POMT1: variants seen among roughly 807,000 people sequenced by gnomAD.
The protein encoded by POMT1 is protein O-mannosyltransferase 1.
POMT1 carries 85 observed loss-of-function variants against 101.6 expected under a neutral mutation model. The ratio of observed to expected loss-of-function variants is 0.84; its 90% CI spans 0.70 to 1.00. POMT1 has a LOEUF of 1.00. Ranked by LOEUF, POMT1 falls within the 50% of genes least tolerant of loss-of-function variation. The pLI, the probability that POMT1 is intolerant of heterozygous loss-of-function variation, is 0.00. For missense variants in POMT1, 857 were observed against 930.4 expected, an observed-to-expected ratio of 0.92 and a Z score of 1.03; for synonymous variants, 371 against 383.0, an observed-to-expected ratio of 0.97 and a Z score of 0.37.
chr9:131,518,409 A>G lies in POMT1; in HGVS notation c.1273-36A>G, dbSNP rs772226285. 1.8e-5 allele frequency: 28 copies of G among 1,542,528 alleles called. No individual in the cohort carries two copies. The East Asian group carries it at 6.3e-4, about 35-fold the overall frequency. ...ATTTTTACATTGAAGGAAATTTGAA[A>G]AGGAATGAAATAATCCTTGAGATGT... is the stretch of plus-strand genomic sequence containing the variant. On this transcript the variant is annotated intron_variant, in intron 13 of 19. Transcript: ENST00000402686.
chr9:131,521,357 C>T lies in POMT1; in HGVS notation c.1710C>T (p.His570=), dbSNP rs764158020. 1.9e-6 allele frequency: 3 copies of T among 1,614,088 alleles called. No homozygotes were observed. The highest frequency in any genetic ancestry group is 2.7e-5 in the African/African-American group (2 of 74,936). Residue 570 remains histidine (H), a synonymous_variant, in exon 18 of 20, where the codon CAC becomes CAT. Coordinates refer to ENST00000402686, the MANE Select transcript of POMT1 (RefSeq NM_001077365.2). ...CCATGTTCCCTTAGGCTCAGATCCA[C>T]CTACTTGGAAACATAGTGATCTGGG... ...WLHPRTSAQI[H]LLGNIVIWVS...
Position 131,511,332 on chromosome 9 carries a change from C to G in POMT1, c.856-5C>G. On this transcript the variant is annotated splice_polypyrimidine_tract_variant and splice_region_variant and intron_variant, in intron 9 of 19. Transcript: ENST00000402686. ...TCACTCATCAACCTTCTGCTTCTGTCTCAGGGAGGACTAGCTCGGATCACT... is the reference window on the plus strand; with the variant it reads ...TCACTCATCAACCTTCTGCTTCTGTGTCAGGGAGGACTAGCTCGGATCACT... The G allele has an allele frequency of 1.2e-6, 2 of 1,609,078 alleles. No homozygotes were observed. The highest frequency in any genetic ancestry group is 1.7e-6 in the Non-Finnish European group (2 of 1,175,902).
rs1472946513 is a variant in POMT1 at position 131,518,533 on chromosome 9, T to TAA, written c.1363_1364dup (p.Leu456SerfsTer2). On this transcript the variant is annotated frameshift_variant, in exon 14 of 20. Coordinates refer to ENST00000402686, the MANE Select transcript of POMT1 (RefSeq NM_001077365.2). LOFTEE classifies it high-confidence loss of function. Reference sequence around the variant, plus strand: ...GTGCACGTGAACACTTCCGCTGTCTTAAAGGTAAGGACACTGTCCGTGGCT... The same window carrying TAA: ...GTGCACGTGAACACTTCCGCTGTCTTAAAAAGGTAAGGACACTGTCCGTGGCT... The TAA allele has an allele frequency of 6.2e-7, 1 of 1,612,882 alleles. No individual in the cohort carries two copies. Among genetic ancestry groups the TAA allele is most frequent in the South Asian group, 1.1e-5 (1 of 91,066 alleles).
At position 131,523,159 on chromosome 9, in the gene POMT1, G is replaced by C; in HGVS notation, c.*53G>C. On this transcript the variant is annotated 3_prime_UTR_variant, in exon 20 of 20. Coordinates refer to ENST00000402686, the MANE Select transcript of POMT1 (RefSeq NM_001077365.2). Reference sequence around the variant, plus strand: ...GCTGGGGTCGGGATGAGGTTGAAGGGTCTTGGTCAATGTACGTAATGAGCA... The same window carrying C: ...GCTGGGGTCGGGATGAGGTTGAAGGCTCTTGGTCAATGTACGTAATGAGCA... 2 of 1,585,820 alleles carry C rather than the reference G, an allele frequency of 1.3e-6. No individual in the cohort carries two copies. The highest frequency in any genetic ancestry group is 1.7e-6 in the Non-Finnish European group (2 of 1,168,292).
At chr9:131,509,104 T>G in intron 6 of POMT1, 82 bp downstream of exon 6, 1 of 972,406 alleles carries the variant, frequency 1.0e-6, no homozygotes, top group Non-Finnish European at 1.6e-6. Context: ...CCAGTACCTT[T>G]TTTTGTTTCG....
Position 131,510,003 on chromosome 9 carries a change from G to A in POMT1, c.699+7G>A. On this transcript the variant is annotated splice_region_variant and intron_variant, in intron 8 of 19. Coordinates refer to ENST00000402686, the MANE Select transcript of POMT1 (RefSeq NM_001077365.2). ...AGACCAGACTTTGTCCAATGTAGGTGCTGATGTCCAGTGCTGCATGAGGCC... is the reference window on the plus strand; with the variant it reads ...AGACCAGACTTTGTCCAATGTAGGTACTGATGTCCAGTGCTGCATGAGGCC... 6.2e-7 allele frequency: 1 copy of A among 1,614,230 alleles called. No homozygotes were observed. Among genetic ancestry groups the A allele is most frequent in the Non-Finnish European group, 8.5e-7 (1 of 1,180,046 alleles).
intron 9 of POMT1, chr9:131,511,016 C>T: frequency 3.5e-6 from 1 of 286,070 alleles, no homozygotes; most frequent in Non-Finnish European, 6.6e-6. Context: ...TTGTTTGGCT[C>T]ACCCTAGTCT....
At chr9:131,512,483 A>G (rs1414506545) in intron 11 of POMT1, among the ~76,000 whole-genome samples, 1 of 152,022 alleles carries the variant, frequency 6.6e-6, no homozygotes, top group Admixed American at 6.6e-5. Context: ...TCATTCCCAT[A>G]TCCAGTCCTG....
At chr9:131,504,032 A>C (rs1452594908) in intron 1 of POMT1, among the ~76,000 whole-genome samples, 157 bp from the exon 2 acceptor site, 2 of 152,142 alleles carry the variant, frequency 1.3e-5, no homozygotes, top group East Asian at 3.9e-4. Flanking sequence ...CTCACCCCAC[A>C]TGTCTACCTG....
At chr9:131,505,297 A>AT (rs34623621) in intron 2 of POMT1, among the ~76,000 whole-genome samples, 12,758 of 137,398 alleles carry the variant, frequency 0.093, 998 homozygotes, top group African/African-American at 0.18. Context: ...AAAGATGAGG[A>AT]TTTTTTTTTT....
intron 2 of POMT1, among the ~76,000 whole-genome samples, chr9:131,505,825 G>A (rs1313764928): frequency 1.3e-5 from 2 of 152,166 alleles, no homozygotes; most frequent in African/African-American, 2.4e-5. Context: ...CTTTCAGCAG[G>A]TTGGCTCATA....
Position 131,510,265 on chromosome 9 carries a change from T to C in POMT1, c.705T>C (p.Cys235=), listed in dbSNP as rs1275260113. Residue 235 remains cysteine (C), a synonymous_variant, in exon 9 of 20, where the codon TGT becomes TGC. Coordinates refer to ENST00000402686, the MANE Select transcript of POMT1 (RefSeq NM_001077365.2). ...LLGDQTLSNV[C]VFCHLLARAV... ...TTTCTTTGAATCTCTGGCAGGTCTGTGTGTTCTGTCACTTGCTCGCCCGAG... is the reference window on the plus strand; with the variant it reads ...TTTCTTTGAATCTCTGGCAGGTCTGCGTGTTCTGTCACTTGCTCGCCCGAG... 3 of 1,614,142 alleles carry C rather than the reference T, an allele frequency of 1.9e-6. No homozygotes were observed. The highest frequency in any genetic ancestry group is 2.5e-6 in the Non-Finnish European group (3 of 1,180,050).
In POMT1 at chr9:131,523,112, GAGTGTGGCAA is replaced by G; in HGVS notation, c.*9_*18del. 6.2e-7 allele frequency: 1 copy of G among 1,610,066 alleles called. No individual in the cohort carries two copies. Among genetic ancestry groups the G allele is most frequent in the Non-Finnish European group, 8.5e-7 (1 of 1,179,576 alleles). ...TCTTGATCCGAAAACACTAGAACAA[GAGTGTGGCAA>G]AGAACACCCGTGCTGGGGTCGGGAT... is the stretch of plus-strand genomic sequence containing the variant. On this transcript the variant is annotated 3_prime_UTR_variant, in exon 20 of 20. Coordinates refer to ENST00000402686, the MANE Select transcript of POMT1 (RefSeq NM_001077365.2).
At chr9:131,521,014 G>A (rs1329970305) in intron 17 of POMT1, 1 of 362,632 alleles carries the variant, frequency 2.8e-6, no homozygotes, top group Non-Finnish European at 5.4e-6. Context: ...GCTAATTTTT[G>A]TACTTTTTAA....
chr9:131,520,241 C>G lies in POMT1; in HGVS notation c.1698+48C>G, dbSNP rs2277152. 1,376,902 of 1,494,726 alleles carry G rather than the reference C, an allele frequency of 0.92. 637,871 individuals are homozygous for G. Among genetic ancestry groups the G allele is most frequent in the South Asian group, 0.96 (85,162 of 88,510 alleles). The allele number at this position is 1,494,726 out of a possible 1,614,324, so 92.6% of individuals were successfully genotyped here. On this transcript the variant is annotated intron_variant, in intron 17 of 19. Coordinates refer to ENST00000402686, the MANE Select transcript of POMT1 (RefSeq NM_001077365.2). ...TGACAGTCATAGATTCATCCTGTTTCTTGAGAATTCCTTGCATTAAGAGCA... is the reference window on the plus strand; with the variant it reads ...TGACAGTCATAGATTCATCCTGTTTGTTGAGAATTCCTTGCATTAAGAGCA...
intron 4 of POMT1, 30 bp from the exon 5 acceptor site, chr9:131,507,338 G>C (rs1946076890): frequency 6.2e-7 from 1 of 1,613,746 alleles, no homozygotes; most frequent in Admixed American, 1.7e-5. Context: ...GCACAGTGTA[G>C]TCAGCTCTGC....
chr9:131,521,231 C>A, intron 17 of POMT1, 115 bp from the exon 18 acceptor site: 2 of 1,453,392 alleles, frequency 1.4e-6, no homozygotes, highest in Non-Finnish European at 1.9e-6. Flanking sequence ...CTGTGCCTGG[C>A]GTTTTTTCAC....
intron 10 of POMT1, 75 bp from the exon 11 acceptor site, chr9:131,511,966 C>A: frequency 1.3e-6 from 2 of 1,531,610 alleles, no homozygotes; most frequent in Non-Finnish European, 1.8e-6. Context: ...CTACCTCAGC[C>A]TCCCAAAGTG....
intron 18 of POMT1, 84 bp from the exon 19 acceptor site, chr9:131,521,963 C>A (rs1440890840): frequency 2.6e-5 from 42 of 1,598,752 alleles, no homozygotes; most frequent in East Asian, 4.5e-5. Context: ...ATAGTAAGAA[C>A]CCTCTCTCTA....
Sources: gnomAD v4.1 joint callset for allele counts (sites outside exome capture counted in the v4.1 genomes callset) on GRCh38, gnomAD v4.1.1 for gene constraint, MANE v1.5 for transcripts, NCBI Gene and HGNC (gene_info 2026-07-23, HGNC 2026-07-21) for gene names.